The following TASP1 variants were observed in gnomAD, a reference collection of about 807,000 sequenced individuals.
The protein encoded by TASP1 is threonine aspartase 1.
Under a neutral mutation model 56.6 loss-of-function variants are expected in TASP1, and 16 were observed. The ratio of observed to expected loss-of-function variants is 0.28; its 90% CI spans 0.19 to 0.43. The LOEUF is 0.43. Ranked by LOEUF, TASP1 falls within the 20% of genes least tolerant of loss-of-function variation. TASP1 has a pLI of 1.00. For synonymous variants in TASP1, 179 were observed against 184.2 expected (o/e 0.97, Z 0.23); for missense variants, 393 against 511.6 (o/e 0.77, Z 2.24).
intron 11 of TASP1, among the ~76,000 whole-genome samples, chr20:13,472,074 C>G (rs754574202): frequency 4.0e-5 from 6 of 151,340 alleles, no homozygotes; most frequent in Non-Finnish European, 8.8e-5. Context: ...AGGCATCACA[C>G]TACCTGACTT....
rs57418361 is a variant in TASP1, at chr20:13,394,307, C to CAAAAAAAA, written c.1171-3863_1171-3856dup. Among the ~76,000 whole-genome samples, 10 of 42,950 alleles carry CAAAAAAAA rather than the reference C, an allele frequency of 2.3e-4. 1 individual carries two copies. The highest frequency in any genetic ancestry group is 9.2e-4 in the African/African-American group (10 of 10,880). The allele number at this position is 42,950 out of a possible 152,430, so 28.2% of individuals were successfully genotyped here. The stretch of plus-strand genomic sequence containing the variant: ...GCCACTGCACTACAGCACTCCCTCT[C>CAAAAAAAA]AAAAAAAAAAAAAAAAAAAAAGGCC... On this transcript the variant is annotated intron_variant, in intron 13 of 13. Transcript: ENST00000337743.
At chr20:13,409,172 G>C (rs2042016353) in intron 13 of TASP1, among the ~76,000 whole-genome samples, 1 of 151,936 alleles carries the variant, frequency 6.6e-6, no homozygotes, top group Non-Finnish European at 1.5e-5. Flanking sequence ...ATAATTGTCA[G>C]CTTCTCTTGG....
At chr20:13,160,090 G>A in the TASP1 span, 1 of 1,613,924 alleles carries the variant, frequency 6.2e-7, no homozygotes, top group East Asian at 2.2e-5. Flanking sequence ...CTCGGGCTCG[G>A]TTTTGTGTTT....
chr20:13,441,253 A>T (rs1036290962), intron 11 of TASP1, among the ~76,000 whole-genome samples: 3 of 152,188 alleles, frequency 2.0e-5, no homozygotes, highest in African/African-American at 7.2e-5. Context: ...CGCTAAATTA[A>T]TTAATTCAAT....
chr20:13,112,790 C>T, the TASP1 span, among the ~76,000 whole-genome samples: 1 of 152,190 alleles, frequency 6.6e-6, no homozygotes, highest in Non-Finnish European at 1.5e-5. Flanking sequence ...TCAATTTCCT[C>T]ATCTGTAAAA....
At chr20:13,538,161 C>T (rs1206382140) in intron 8 of TASP1, among the ~76,000 whole-genome samples, 1 of 152,058 alleles carries the variant, frequency 6.6e-6, no homozygotes, top group Non-Finnish European at 1.5e-5. Flanking sequence ...ACCACCACAC[C>T]CAGCTAATTT....
chr20:13,599,206 C>T (rs2047860718), intron 4 of TASP1, among the ~76,000 whole-genome samples: 1 of 152,134 alleles, frequency 6.6e-6, no homozygotes, highest in African/African-American at 2.4e-5. Flanking sequence ...ATAAATAATG[C>T]TACTATAAAG....
chr20:13,509,166 T>C (rs1167937499), intron 10 of TASP1, among the ~76,000 whole-genome samples: 1 of 149,990 alleles, frequency 6.7e-6, no homozygotes, highest in African/African-American at 2.5e-5. Flanking sequence ...TGTGTGTGAT[T>C]TAGCCTTTAA....
At chr20:13,183,767 C>T in the TASP1 span, among the ~76,000 whole-genome samples, 1 of 152,012 alleles carries the variant, frequency 6.6e-6, no homozygotes, top group Non-Finnish European at 1.5e-5. Flanking sequence ...TGGTGGCTCA[C>T]GCCTGTAATC....
At position 13,581,081 on chromosome 20, in the gene TASP1, T is replaced by A. The variant is rs908496995; in HGVS notation, c.404-100A>T. On this transcript the variant is annotated intron_variant, in intron 5 of 13. Transcript: ENST00000337743. ...GTTTCAATAAAACAACTTGAATATA[T>A]CTTGGAAATTCTTTTTCGATATATC... The A allele has an allele frequency of 5.9e-6, 6 of 1,020,984 alleles. No homozygotes were observed. In the Admixed American group the frequency reaches 7.6e-5, roughly 13 times the overall value. The allele number at this position is 1,020,984 out of a possible 1,614,324, so 63.2% of individuals were successfully genotyped here.
At chr20:13,315,779 A>T in the TASP1 span, among the ~76,000 whole-genome samples, 1 of 152,006 alleles carries the variant, frequency 6.6e-6, no homozygotes, top group African/African-American at 2.4e-5. Context: ...AATATAAAAG[A>T]ATAGAAATCA....
the TASP1 span, among the ~76,000 whole-genome samples, chr20:13,133,290 T>C: frequency 6.6e-6 from 1 of 152,204 alleles, no homozygotes; most frequent in Non-Finnish European, 1.5e-5. Flanking sequence ...CTGCATGACA[T>C]GCTTGCTGCA....
At chr20:13,147,876 A>T in the TASP1 span, among the ~76,000 whole-genome samples, 1 of 152,338 alleles carries the variant, frequency 6.6e-6, no homozygotes, top group South Asian at 2.1e-4. Context: ...TAGTAAAATA[A>T]GTCATCCCAT....
chr20:13,350,656 A>G, the TASP1 span, among the ~76,000 whole-genome samples: 1 of 151,598 alleles, frequency 6.6e-6, no homozygotes, highest in African/African-American at 2.4e-5. Context: ...TAGTACATAA[A>G]CAAAAAGACT....
the TASP1 span, among the ~76,000 whole-genome samples, chr20:13,297,255 T>A: frequency 6.6e-6 from 1 of 152,106 alleles, no homozygotes; most frequent in South Asian, 2.1e-4. Flanking sequence ...TTTTCCAGGA[T>A]CACAGGGCTT....
At chr20:13,285,993 G>C in the TASP1 span, among the ~76,000 whole-genome samples, 1 of 152,234 alleles carries the variant, frequency 6.6e-6, no homozygotes, top group African/African-American at 2.4e-5. Flanking sequence ...TGGCATCATT[G>C]GGTTATGTCT....
At chr20:13,270,602 A>C in the TASP1 span, 13 of 1,613,698 alleles carry the variant, frequency 8.1e-6, no homozygotes, top group Non-Finnish European at 1.1e-5. Flanking sequence ...CTGCACACCA[A>C]CCCTTCCCCA....
At chr20:13,253,132 G>A in the TASP1 span, among the ~76,000 whole-genome samples, 233 of 152,286 alleles carry the variant, frequency 1.5e-3, no homozygotes, top group African/African-American at 5.1e-3. Context: ...AAGCAGACCT[G>A]GCAAAGCTAG....
chr20:13,592,549 C>G (rs1402586330), intron 4 of TASP1, among the ~76,000 whole-genome samples: 1 of 152,098 alleles, frequency 6.6e-6, no homozygotes, highest in East Asian at 1.9e-4. Context: ...AAAAATATAT[C>G]AAAACATCCC....
Sources: allele counts gnomAD v4.1 joint callset (sites outside exome capture counted in the v4.1 genomes callset), GRCh38; gene constraint gnomAD v4.1.1; transcripts MANE v1.5; gene names NCBI Gene and HGNC (gene_info 2026-07-23, HGNC 2026-07-21).